FBXO22: variants seen among roughly 807,000 people sequenced by gnomAD.
FBXO22 encodes the protein F-box only protein 22.
A neutral mutation model predicts 37.2 loss-of-function variants in FBXO22; 13 were observed. The observed-to-expected ratio is 0.35, with a 90% CI of 0.23 to 0.56. FBXO22 has a LOEUF of 0.56. FBXO22 is among the 20% of genes least tolerant of loss of function. FBXO22 has a pLI of 0.87. For synonymous variants in FBXO22, 189 were observed against 189.1 expected (o/e 1.00, Z 0.00); for missense variants, 446 against 509.9 (o/e 0.87, Z 1.21).
chr15:75,918,123 A>G (rs1270342834), intron 5 of FBXO22, among the ~76,000 whole-genome samples: 1 of 152,218 alleles, frequency 6.6e-6, no homozygotes, highest in African/African-American at 2.4e-5. Flanking sequence ...GTTGGCATAA[A>G]AACTATTCAG....
At position 75,933,725 on chromosome 15, in the gene FBXO22, A is replaced by AT. The variant is rs551798595; in HGVS notation, c.*632dup. 1.2e-3 allele frequency: 368 copies of AT among 300,808 alleles called. 2 individuals carry two copies. Among genetic ancestry groups the AT allele is most frequent in the South Asian group, 3.7e-3 (129 of 35,198 alleles). 18.6% of individuals were successfully genotyped at this position (300,808 alleles called of 1,614,324 possible). On this transcript the variant is annotated 3_prime_UTR_variant, in exon 7 of 7. Transcript: ENST00000308275. ...AGATTTTTCTTCTTTCCTTAAAAAT[A>AT]TTTTTTTTTCACCTAGGTCTAAATA...
rs1385955653 is a variant in FBXO22 at position 75,934,172 on chromosome 15, C to G, written c.*1070C>G. The G allele has an allele frequency of 6.6e-6, 1 of 152,146 alleles. No individual in the cohort carries two copies. The highest frequency in any genetic ancestry group is 2.4e-5 in the African/African-American group (1 of 41,416). The allele number at this position is 152,146 out of a possible 1,614,324, so 9.4% of individuals were successfully genotyped here. A position where few individuals can be genotyped will look rare whatever the true frequency, so the allele number is the denominator to read the frequency against. On this transcript the variant is annotated 3_prime_UTR_variant, in exon 7 of 7. Transcript: ENST00000308275. Reference sequence around the variant, plus strand: ...TGTGAGGGGAAACGATTTTTTGTGTCCTTAAAATGGCATGACCATTTATTT... The same window carrying G: ...TGTGAGGGGAAACGATTTTTTGTGTGCTTAAAATGGCATGACCATTTATTT...
chr15:75,911,693 A>C (rs1482558761), intron 2 of FBXO22, among the ~76,000 whole-genome samples: 1 of 152,020 alleles, frequency 6.6e-6, no homozygotes, highest in Non-Finnish European at 1.5e-5. Context: ...CTAAATATAC[A>C]ATCATGTCAT....
intron 6 of FBXO22, chr15:75,930,264 C>G: frequency 7.1e-7 from 1 of 1,418,152 alleles, no homozygotes; most frequent in Non-Finnish European, 9.2e-7. Flanking sequence ...CCTTCAAGAA[C>G]TTCCTTGAGT....
chr15:75,925,086 A>G (rs950313164), intron 5 of FBXO22, among the ~76,000 whole-genome samples: 3 of 152,112 alleles, frequency 2.0e-5, no homozygotes, highest in Non-Finnish European at 4.4e-5. Flanking sequence ...GAGGATTGGA[A>G]GTGTCCTGTG....
At chr15:75,931,146 A>G (rs900779254) in intron 6 of FBXO22, among the ~76,000 whole-genome samples, 5 of 151,874 alleles carry the variant, frequency 3.3e-5, no homozygotes, top group African/African-American at 9.7e-5. Flanking sequence ...GGATAGGGCA[A>G]TGGTGATTCA....
intron 3 of FBXO22, among the ~76,000 whole-genome samples, 195 bp from the exon 4 acceptor site, chr15:75,913,915 G>T (rs943578829): frequency 2.0e-5 from 3 of 152,174 alleles, no homozygotes; most frequent in African/African-American, 7.2e-5. Flanking sequence ...TGGTGCAAAA[G>T]ATCAGATTTA....
intron 4 of FBXO22, among the ~76,000 whole-genome samples, chr15:75,915,461 A>T (rs1237892060): frequency 2.0e-5 from 3 of 151,988 alleles, no homozygotes; most frequent in Admixed American, 1.3e-4. Flanking sequence ...CATTTTTTTA[A>T]AAAAAAGAGT....
At chr15:75,929,096 T>G (rs2029912861) in intron 5 of FBXO22, among the ~76,000 whole-genome samples, 1 of 152,134 alleles carries the variant, frequency 6.6e-6, no homozygotes, top group Non-Finnish European at 1.5e-5. Flanking sequence ...GTAGGGGTAG[T>G]GCTACCTTGG....
chr15:75,925,356 G>A (rs1401532413), intron 5 of FBXO22, among the ~76,000 whole-genome samples: 2 of 152,108 alleles, frequency 1.3e-5, no homozygotes, highest in Non-Finnish European at 1.5e-5. Context: ...TGTGAGATTG[G>A]TGATCTGGTG....
chr15:75,904,423 G>T, intron 1 of FBXO22, 68 bp from the exon 2 acceptor site: 2 of 1,605,862 alleles, frequency 1.2e-6, no homozygotes, highest in Admixed American at 3.4e-5. Context: ...GCGGGTGGGG[G>T]TTTGTGAGCT....
chr15:75,929,293 G>A (rs1328828484), intron 5 of FBXO22, among the ~76,000 whole-genome samples: 1 of 143,456 alleles, frequency 7.0e-6, no homozygotes, highest in Non-Finnish European at 1.5e-5. Flanking sequence ...CTAACATAGC[G>A]AGACCCCATC....
chr15:75,918,648 A>C (rs1204340518), intron 5 of FBXO22, among the ~76,000 whole-genome samples: 2 of 152,258 alleles, frequency 1.3e-5, no homozygotes, highest in Non-Finnish European at 2.9e-5. Context: ...TGTGGTATAC[A>C]TACATAATGA....
intron 5 of FBXO22, among the ~76,000 whole-genome samples, chr15:75,920,088 A>C (rs1900285270): frequency 6.6e-6 from 1 of 152,232 alleles, no homozygotes; most frequent in African/African-American, 2.4e-5. Context: ...AGTGCCCTTA[A>C]AACTGACCCA....
chr15:75,908,571 G>A (rs1251854443), intron 2 of FBXO22, among the ~76,000 whole-genome samples: 5 of 152,046 alleles, frequency 3.3e-5, no homozygotes, highest in African/African-American at 9.7e-5. Context: ...TGCCTTGCCC[G>A]TAAATCTCTT....
intron 1 of FBXO22, 175 bp downstream of exon 1, chr15:75,904,278 G>T: frequency 8.9e-7 from 1 of 1,127,790 alleles, no homozygotes; most frequent in South Asian, 1.6e-5. Context: ...GGTGCCCCGG[G>T]GGGACTTCCC....
At chr15:75,932,508 T>C (rs1241077928) in intron 6 of FBXO22, among the ~76,000 whole-genome samples, 177 bp from the exon 7 acceptor site, 1 of 152,240 alleles carries the variant, frequency 6.6e-6, no homozygotes, top group Non-Finnish European at 1.5e-5. Context: ...CTTGTGCATT[T>C]TTTATGTATT....
chr15:75,927,366 A>T (rs1453396999), intron 5 of FBXO22, among the ~76,000 whole-genome samples: 7 of 152,192 alleles, frequency 4.6e-5, no homozygotes. Context: ...TGGATGTTGT[A>T]AAAGAGCATC....
intron 5 of FBXO22, among the ~76,000 whole-genome samples, chr15:75,923,127 G>C (rs1006768381): frequency 2.6e-5 from 4 of 152,152 alleles, no homozygotes; most frequent in Admixed American, 6.5e-5. Context: ...GGGAATCTTT[G>C]ATGAGGCCCT....
Sources: gnomAD v4.1 joint callset for allele counts (sites outside exome capture counted in the v4.1 genomes callset) on GRCh38, gnomAD v4.1.1 for gene constraint, MANE v1.5 for transcripts, NCBI Gene and HGNC (gene_info 2026-07-23, HGNC 2026-07-21) for gene names.